Variants in FAM107B observed in about 807,000 individuals in gnomAD.
The protein encoded by FAM107B is family with sequence similarity 107 member B.
Under a neutral mutation model 31.5 loss-of-function variants are expected in FAM107B, and 21 were observed. The observed-to-expected ratio is 0.67, with a 90% CI of 0.47 to 0.96. The LOEUF (loss-of-function observed/expected upper bound fraction) is 0.96. Among genes scored for constraint, FAM107B ranks in the 40% least tolerant of loss-of-function variants. The probability of loss-of-function intolerance (pLI) is 0.00; values close to 1 mark genes in which losing one functional copy is unlikely to be tolerated. For synonymous variants in FAM107B, 157 were observed against 141.5 expected, an observed-to-expected ratio of 1.11 and a Z score of -0.78; for missense variants, 452 against 377.1, an observed-to-expected ratio of 1.20 and a Z score of -1.64.
chr10:14,620,308 C>T (rs753522066), intron 2 of FAM107B, among the ~76,000 whole-genome samples: 20 of 152,220 alleles, frequency 1.3e-4, no homozygotes, highest in Middle Eastern at 3.4e-3. Context: ...TGAGCCACCG[C>T]GCTTGGCCTA....
At chr10:14,557,554 C>A (rs1849810082) in intron 2 of FAM107B, among the ~76,000 whole-genome samples, 2 of 152,180 alleles carry the variant, frequency 1.3e-5, no homozygotes, top group Admixed American at 1.3e-4. Context: ...GATTCTTTGT[C>A]ATTTAACTGT....
intron 1 of FAM107B, among the ~76,000 whole-genome samples, chr10:14,746,341 T>C (rs373791400): frequency 4.2e-4 from 64 of 152,342 alleles, no homozygotes; most frequent in African/African-American, 1.5e-3. Context: ...GTCATCATCA[T>C]GCTAGCTGGT....
At chr10:14,582,204 C>T (rs1851657064) in intron 2 of FAM107B, among the ~76,000 whole-genome samples, 1 of 152,086 alleles carries the variant, frequency 6.6e-6, no homozygotes, top group Admixed American at 6.5e-5. Flanking sequence ...TCTTTGCTAT[C>T]CCCGTAAATA....
chr10:14,610,037 A>G (rs1475320604), intron 2 of FAM107B, among the ~76,000 whole-genome samples: 1 of 152,198 alleles, frequency 6.6e-6, no homozygotes, highest in Non-Finnish European at 1.5e-5. Flanking sequence ...GGGAAAGGAA[A>G]ACGAAGTTAA....
chr10:14,680,997 G>C (rs1391577075), intron 1 of FAM107B, among the ~76,000 whole-genome samples: 2 of 152,186 alleles, frequency 1.3e-5, no homozygotes, highest in Admixed American at 1.3e-4. Flanking sequence ...AACTCACTCA[G>C]CCATCCAGGA....
intron 2 of FAM107B, among the ~76,000 whole-genome samples, chr10:14,618,591 C>G (rs1451625959): frequency 2.0e-5 from 3 of 151,762 alleles, no homozygotes; most frequent in African/African-American, 7.2e-5. Flanking sequence ...AATCCCAGCA[C>G]TTTGGGAGGC....
At chr10:14,653,387 C>T (rs976312942) in intron 2 of FAM107B, among the ~76,000 whole-genome samples, 16 of 152,322 alleles carry the variant, frequency 1.1e-4, no homozygotes, top group African/African-American at 2.6e-4. Flanking sequence ...CACAGCCAGG[C>T]GGGCAAATGC....
At position 14,518,729 on chromosome 10, in the gene FAM107B, C is replaced by T. The variant is rs1039575736; in HGVS notation, c.*2461G>A. The T allele has an allele frequency of 1.3e-5, 2 of 152,564 alleles. No individual in the cohort carries two copies. The highest frequency in any genetic ancestry group is 4.8e-5 in the African/African-American group (2 of 41,408). 9.5% of individuals were successfully genotyped at this position (152,564 alleles called of 1,614,324 possible). A position where few individuals can be genotyped will look rare whatever the true frequency, so the allele number is the denominator to read the frequency against. On this transcript the variant is annotated 3_prime_UTR_variant, in exon 5 of 5. Transcript: ENST00000181796. ...GCTCCCTTTATATATATTATATACA[C>T]TCAAACAAGTCAAGATTTTTCAGAG...
At chr10:14,667,506 T>C (rs976664571) in intron 2 of FAM107B, 128 bp downstream of exon 2, 9 of 901,832 alleles carry the variant, frequency 1.0e-5, no homozygotes, top group South Asian at 1.8e-5. Flanking sequence ...ACGTGACATT[T>C]CTAGTCATGT....
intron 2 of FAM107B, among the ~76,000 whole-genome samples, chr10:14,613,267 G>A (rs867724371): frequency 1.4e-4 from 22 of 152,124 alleles, no homozygotes; most frequent in African/African-American, 3.9e-4. Context: ...CCACCTCACC[G>A]AGCCCATAAA....
intron 2 of FAM107B, among the ~76,000 whole-genome samples, chr10:14,574,213 T>A (rs1164075600): frequency 1.3e-5 from 2 of 152,236 alleles, no homozygotes; most frequent in Admixed American, 1.3e-4. Flanking sequence ...TCAGGCATCC[T>A]GACACAGTTA....
At chr10:14,533,253 G>A (rs976982432) in intron 2 of FAM107B, among the ~76,000 whole-genome samples, 3 of 152,142 alleles carry the variant, frequency 2.0e-5, no homozygotes, top group African/African-American at 2.4e-5. Context: ...AGCATAGGTA[G>A]GCGGAGAGCC....
chr10:14,652,155 TAA>T (rs5783415), intron 2 of FAM107B, among the ~76,000 whole-genome samples: 16 of 150,732 alleles, frequency 1.1e-4, no homozygotes, highest in South Asian at 2.1e-4. Context: ...CTTCAAATGT[TAA>T]AAAAAAAAAG....
At chr10:14,547,245 T>C (rs1209918904) in intron 2 of FAM107B, among the ~76,000 whole-genome samples, 2 of 152,232 alleles carry the variant, frequency 1.3e-5, no homozygotes, top group African/African-American at 4.8e-5. Flanking sequence ...CACTGTTGTC[T>C]GAAGTCACTA....
At chr10:14,607,675 C>T (rs1852628530) in intron 2 of FAM107B, among the ~76,000 whole-genome samples, 1 of 152,184 alleles carries the variant, frequency 6.6e-6, no homozygotes, top group East Asian at 1.9e-4. Flanking sequence ...GAACTAGTGG[C>T]CTAAATAGCC....
intron 2 of FAM107B, among the ~76,000 whole-genome samples, chr10:14,606,075 T>C (rs1347957479): frequency 6.6e-6 from 1 of 152,110 alleles, no homozygotes; most frequent in African/African-American, 2.4e-5. Context: ...TGAAACACTT[T>C]AGTGGATGCC....
chr10:14,699,958 A>C (rs191990019), intron 1 of FAM107B, among the ~76,000 whole-genome samples: 1 of 151,496 alleles, frequency 6.6e-6, no homozygotes, highest in Non-Finnish European at 1.5e-5. Context: ...TTTGAGATGG[A>C]CTCCCGCTCT....
chr10:14,676,423 T>G (rs78410402), intron 1 of FAM107B, among the ~76,000 whole-genome samples: 2,311 of 151,994 alleles, frequency 0.015, 68 homozygotes, highest in African/African-American at 0.051. Flanking sequence ...TGCTTCCCTT[T>G]TCAAGCTTCA....
intron 2 of FAM107B, among the ~76,000 whole-genome samples, chr10:14,605,286 C>G (rs1018374785): frequency 1.3e-5 from 2 of 152,202 alleles, no homozygotes; most frequent in East Asian, 3.8e-4. Context: ...AGCTCTCTTA[C>G]AAGTGCTTTT....
Sources: allele counts gnomAD v4.1 joint callset (sites outside exome capture counted in the v4.1 genomes callset), GRCh38; gene constraint gnomAD v4.1.1; transcripts MANE v1.5; gene names NCBI Gene and HGNC (gene_info 2026-07-23, HGNC 2026-07-21).